Variants in ECEL1 observed in about 807,000 individuals in gnomAD.
The protein encoded by ECEL1 is endothelin converting enzyme like 1, also known as endothelin-converting enzyme-like 1.
In ECEL1, 87 loss-of-function variants were observed where a neutral mutation model predicts 101.8. That is an observed-to-expected ratio of 0.85 (90% CI 0.72 to 1.02). ECEL1 has a LOEUF of 1.02. Ranked by LOEUF, ECEL1 falls within the 50% of genes least tolerant of loss-of-function variation. The probability of loss-of-function intolerance (pLI) is 0.00; values close to 1 mark genes in which losing one functional copy is unlikely to be tolerated. For synonymous variants in ECEL1, 487 were observed against 468.7 expected (o/e 1.04, Z -0.50); for missense variants, 1,032 against 1,079.2 (o/e 0.96, Z 0.61).
rs759280490 is a variant in ECEL1 at position 232,486,509 on chromosome 2, G to C, written c.145C>G (p.Arg49Gly). 15 of 1,358,488 alleles carry C rather than the reference G, an allele frequency of 1.1e-5. No individual in the cohort carries two copies. The South Asian group carries it at 2.6e-4, about 23-fold the overall frequency. 84.2% of individuals were successfully genotyped at this position (1,358,488 alleles called of 1,614,324 possible). A position where few individuals can be genotyped will look rare whatever the true frequency, so the allele number is the denominator to read the frequency against. ...CGGTTCCAGCGCGGCAGCCCGGACC[G>C]GGCCCCGGTGGCGCTGCGCGCAGCG... ...LGAARSATGA[R>G]SGLPRWNRRE... Residue 49 changes from arginine (R) to glycine (G), a missense_variant, in exon 2 of 18, where the codon CGG (arginine) becomes GGG (glycine). Physicochemically the swap from Arg to Gly is moderately radical, Grantham distance 125. Transcript: ENST00000304546.
At chr2:232,481,184 C>T in intron 14 of ECEL1, 28 bp from the exon 15 acceptor site, 1 of 1,552,556 alleles carries the variant, frequency 6.4e-7, no homozygotes, top group Non-Finnish European at 8.7e-7. Flanking sequence ...GGCCAGGGGG[C>T]TGCTTGGGGC....
rs529935928 is a variant in ECEL1 at position 232,481,400 on chromosome 2, G to C, written c.1989+106C>G. The C allele has an allele frequency of 4.3e-5, 65 of 1,505,760 alleles. 1 individual carries two copies. In the South Asian group the frequency reaches 7.3e-4, roughly 17 times the overall value. 93.3% of individuals were successfully genotyped at this position (1,505,760 alleles called of 1,614,324 possible). ...ACCGAATGTGTGTGCAGGGACCTGG[G>C]CACAGGTTTTGTTTGGACATGTGCA... On this transcript the variant is annotated intron_variant, in intron 14 of 17. Coordinates refer to ENST00000304546, the MANE Select transcript of ECEL1 (RefSeq NM_004826.4).
Position 232,486,694 on chromosome 2 carries a change from C to A in ECEL1, c.-41G>T. On this transcript the variant is annotated 5_prime_UTR_variant, in exon 2 of 18. An upstream open reading frame in the 5' UTR loses its in-frame stop. Transcript: ENST00000304546. ...GCGGTGCAGACCTGGGCCACCTGGG[C>A]TACGGGATGCGCGTGGCCGCCGGCC... The A allele has an allele frequency of 1.4e-6, 2 of 1,445,596 alleles. No individual in the cohort carries two copies. The allele number at this position is 1,445,596 out of a possible 1,614,324, so 89.5% of individuals were successfully genotyped here. A position where few individuals can be genotyped will look rare whatever the true frequency, so the allele number is the denominator to read the frequency against.
Position 232,485,199 on chromosome 2 carries a change from C to A in ECEL1, c.855G>T (p.Lys285Asn). The change falls in exon 3 of 18, where the codon AAG becomes AAT. Residue 285 changes from lysine (K) to asparagine (N), a missense_variant and splice_region_variant. Physicochemically the swap from Lys to Asn is moderately conservative, Grantham distance 94 (BLOSUM62 0). Transcript: ENST00000304546. ...LYLAQDEDSE[K>N]ILAAYRVFME... ...GCCTCCCCATCCCATGCCCCAGCAC[C>A]TTCTCACTGTCCTCATCCTGAGCGA... is the stretch of plus-strand genomic sequence containing the variant. 6.2e-7 allele frequency: 1 copy of A among 1,613,702 alleles called. No homozygotes were observed. The highest frequency in any genetic ancestry group is 8.5e-7 in the Non-Finnish European group (1 of 1,179,998).
intron 8 of ECEL1, 23 bp from the exon 9 acceptor site, chr2:232,483,202 G>T (rs377348971): frequency 6.3e-6 from 10 of 1,589,424 alleles, no homozygotes; most frequent in Non-Finnish European, 8.6e-6. Context: ...GGCAGGTGAA[G>T]GTGGCACCAG....
At chr2:232,481,691 A>G in intron 13 of ECEL1, 61 bp from the exon 14 acceptor site, 1 of 907,310 alleles carries the variant, frequency 1.1e-6, no homozygotes, top group East Asian at 4.7e-5. Flanking sequence ...CTCCCCACCC[A>G]CCAGCCCCAG....
intron 16 of ECEL1, 21 bp from the exon 17 acceptor site, chr2:232,480,496 G>C (rs1204122606): frequency 6.2e-7 from 1 of 1,613,080 alleles, no homozygotes; most frequent in Non-Finnish European, 8.5e-7. Flanking sequence ...GAGCGGGGTG[G>C]AGGGGAGGAG....
chr2:232,482,751 G>T, intron 10 of ECEL1, 100 bp downstream of exon 10: 1 of 1,513,772 alleles, frequency 6.6e-7, no homozygotes, highest in Non-Finnish European at 9.1e-7. Context: ...TGGCGTGTGT[G>T]CCCCCCATAT....
chr2:232,486,772 G>T lies in ECEL1; in HGVS notation c.-101-18C>A. The T allele has an allele frequency of 8.7e-7, 1 of 1,147,062 alleles. No homozygotes were observed. The highest frequency in any genetic ancestry group is 2.7e-5 in the South Asian group (1 of 36,828). 71.1% of individuals were successfully genotyped at this position (1,147,062 alleles called of 1,614,324 possible). Reference sequence around the variant, plus strand: ...GGCCGCAGCTGCGGGAAGGGCGGAAGCAGGCTCAGGAGGCGCCGCAGCCGG... The same window carrying T: ...GGCCGCAGCTGCGGGAAGGGCGGAATCAGGCTCAGGAGGCGCCGCAGCCGG... On this transcript the variant is annotated intron_variant, in intron 1 of 17. Coordinates refer to ENST00000304546, the MANE Select transcript of ECEL1 (RefSeq NM_004826.4).
chr2:232,480,892 C>A, intron 15 of ECEL1, 79 bp from the exon 16 acceptor site: 1 of 1,443,198 alleles, frequency 6.9e-7, no homozygotes, highest in South Asian at 1.3e-5. Flanking sequence ...ATCTAGGTAG[C>A]CCTCCCTGCT....
At chr2:232,482,744 C>A in intron 10 of ECEL1, 107 bp downstream of exon 10, 1 of 1,500,848 alleles carries the variant, frequency 6.7e-7, no homozygotes, top group Non-Finnish European at 9.2e-7. Flanking sequence ...CCTGTGCTGG[C>A]GTGTGTGCCC....
Position 232,486,572 on chromosome 2 carries a change from C to G in ECEL1, c.82G>C (p.Ala28Pro). The G allele has an allele frequency of 7.2e-7, 1 of 1,381,748 alleles. No homozygotes were observed. 85.6% of individuals were successfully genotyped at this position (1,381,748 alleles called of 1,614,324 possible). A position where few individuals can be genotyped will look rare whatever the true frequency, so the allele number is the denominator to read the frequency against. ...CCCGGGGGCAGGGAGGCCCCGCGCG[C>G]GCCCCCCGCGCCGCAGCGGCTCACG... The part of the protein sequence containing the change: ...KYVSRCGAGG[A>P]RGASLPPGFP... The change falls in exon 2 of 18, where the codon GCG (alanine) becomes CCG (proline). Residue 28 changes from alanine (A) to proline (P), a missense_variant. Coordinates refer to ENST00000304546, the MANE Select transcript of ECEL1 (RefSeq NM_004826.4).
chr2:232,480,603 C>T, intron 16 of ECEL1, 115 bp downstream of exon 16: 2 of 1,479,552 alleles, frequency 1.4e-6, no homozygotes, highest in Admixed American at 1.8e-5. Context: ...TCTGACGGGA[C>T]AGGTGATGAC....
In ECEL1 at chr2:232,482,475, A is replaced by G. The variant is rs768043512; in HGVS notation, c.1745-6T>C. 1 of 1,614,020 alleles carries G rather than the reference A, an allele frequency of 6.2e-7. No individual in the cohort carries two copies. The highest frequency in any genetic ancestry group is 1.3e-5 in the African/African-American group (1 of 75,052). ...CAGGATGCCCGCGGGGAACACTACAAGAAGGGGGTGCTCAGTGGGAAACCC... is the reference window on the plus strand; with the variant it reads ...CAGGATGCCCGCGGGGAACACTACAGGAAGGGGGTGCTCAGTGGGAAACCC... On this transcript the variant is annotated splice_region_variant and splice_polypyrimidine_tract_variant and intron_variant, in intron 11 of 17. Transcript: ENST00000304546.
chr2:232,480,969 GC>G, intron 15 of ECEL1, 121 bp downstream of exon 15: 1 of 1,405,312 alleles, frequency 7.1e-7, no homozygotes. Flanking sequence ...CACATGCCCT[GC>G]CCCACCCCAG....
rs1379601348 is a variant in ECEL1, at chr2:232,486,375, G to A, written c.279C>T (p.Gly93=). 4 of 1,485,284 alleles carry A rather than the reference G, an allele frequency of 2.7e-6. No homozygotes were observed. The Admixed American group carries it at 7.2e-5, about 27-fold the overall frequency. The allele number at this position is 1,485,284 out of a possible 1,614,324, so 92.0% of individuals were successfully genotyped here. ...GCTCAGGGCAGCCCTCGGGACAGGC[G>A]CCGCCGCCGGCCGCGACCGGGCCCA... ...KYLGPVAAGG[G]ACPEGCPERK... is the part of the protein sequence containing the mutation. Residue 93 remains glycine, a synonymous_variant, in exon 2 of 18, where the codon GGC becomes GGT. Transcript: ENST00000304546.
rs545152411 is a variant in ECEL1 at position 232,480,305 on chromosome 2, C to T, written c.2229-53G>A. On this transcript the variant is annotated intron_variant, in intron 17 of 17. Transcript: ENST00000304546. ...TTGGGCCCTGCAGCCACTCCAGCCC[C>T]AGCAACCAGGGGTGACTTTTATTCC... 4 of 1,612,318 alleles carry T rather than the reference C, an allele frequency of 2.5e-6. No individual in the cohort carries two copies. The African/African-American group carries it at 5.3e-5, about 22-fold the overall frequency.
intron 14 of ECEL1, 69 bp from the exon 15 acceptor site, chr2:232,481,225 TG>T (rs1227954171): frequency 1.3e-6 from 2 of 1,525,348 alleles, no homozygotes; most frequent in East Asian, 4.9e-5. Context: ...ATTGATACCC[TG>T]GGCCCCAGCC....
In ECEL1 at chr2:232,486,415, A is replaced by T; in HGVS notation, c.239T>A (p.Leu80Gln). 1 of 1,466,340 alleles carries T rather than the reference A, an allele frequency of 6.8e-7. No individual in the cohort carries two copies. Among genetic ancestry groups the T allele is most frequent in the Non-Finnish European group, 8.9e-7 (1 of 1,121,370 alleles). 90.8% of individuals were successfully genotyped at this position (1,466,340 alleles called of 1,614,324 possible). A position where few individuals can be genotyped will look rare whatever the true frequency, so the allele number is the denominator to read the frequency against. Residue 80 changes from leucine to glutamine, a missense_variant, in exon 2 of 18, where the codon CTG becomes CAG. Physicochemically the swap from Leu to Gln is moderately radical, Grantham distance 113. Coordinates refer to ENST00000304546, the MANE Select transcript of ECEL1 (RefSeq NM_004826.4). ...AGLCAILAAM[L>Q]ALKYLGPVAA... ...GACCGGGCCCAGGTACTTGAGGGCC[A>T]GCATAGCCGCCAGAATGGCGCAGAG...
Sources: gnomAD v4.1 joint callset for allele counts on GRCh38, gnomAD v4.1.1 for gene constraint, MANE v1.5 for transcripts, NCBI Gene and HGNC (gene_info 2026-07-23, HGNC 2026-07-21) for gene names.